The following CASTOR1 variants were observed in gnomAD, a reference collection of about 807,000 sequenced individuals.
CASTOR1 encodes the protein GATS protein like 3.
Under a neutral mutation model 33.7 loss-of-function variants are expected in CASTOR1, and 18 were observed. The observed-to-expected ratio is 0.53, with a 90% CI of 0.37 to 0.79. The LOEUF (loss-of-function observed/expected upper bound fraction) is 0.79, where lower values mean the gene tolerates loss of function less well. Ranked by LOEUF, CASTOR1 falls within the 30% of genes least tolerant of loss-of-function variation. CASTOR1 has a pLI of 0.00. For missense variants in CASTOR1, 362 were observed against 446.3 expected (o/e 0.81, Z 1.70); for synonymous variants, 175 against 190.6 (o/e 0.92, Z 0.67).
intron 1 of CASTOR1, 106 bp from the exon 2 acceptor site, chr22:30,288,882 G>C (rs1485528003): frequency 2.4e-6 from 2 of 845,992 alleles, no homozygotes; most frequent in African/African-American, 3.5e-5. Context: ...TGGGCCGGGC[G>C]CCTTCTTGCC....
Position 30,287,427 on chromosome 22 carries a change from G to A in CASTOR1, c.318C>T (p.Ala106=), listed in dbSNP as rs760272584. The A allele has an allele frequency of 8.1e-6, 13 of 1,613,322 alleles. No individual in the cohort carries two copies. In the East Asian group the frequency reaches 1.1e-4, roughly 14 times the overall value. Residue 106 remains alanine (A), a synonymous_variant, in exon 3 of 9, where the codon GCC becomes GCT. Coordinates refer to ENST00000407689, the MANE Select transcript of CASTOR1 (RefSeq NM_001037666.3). ...GCATCAGCACAGACACGTGGTGCTCGGCCAGTGGCGCGATGACCGAACGGG... is the reference window on the plus strand; with the variant it reads ...GCATCAGCACAGACACGTGGTGCTCAGCCAGTGGCGCGATGACCGAACGGG... ...KIARSVIAPL[A]EHHVSVLMLS... is the part of the protein sequence containing the mutation.
At chr22:30,287,896 C>T (rs982705358) in intron 2 of CASTOR1, 5 of 542,962 alleles carry the variant, frequency 9.2e-6, no homozygotes, top group Admixed American at 2.2e-5. Flanking sequence ...TACCTCACTA[C>T]GGTGTCTTCT....
chr22:30,285,722 G>T, intron 8 of CASTOR1, 34 bp from the exon 9 acceptor site: 1 of 1,543,192 alleles, frequency 6.5e-7, no homozygotes, highest in Non-Finnish European at 8.8e-7. Flanking sequence ...AAGGGTCAAG[G>T]CGGAAGCTGG....
Position 30,285,827 on chromosome 22 carries a change from C to CTCCCCCTGCCCCAGCCCTTGGTGT in CASTOR1, c.921+4_921+5insACACCAAGGGCTGGGGCAGGGGGA. The CTCCCCCTGCCCCAGCCCTTGGTGT allele has an allele frequency of 6.2e-7, 1 of 1,604,102 alleles. No homozygotes were observed. The highest frequency in any genetic ancestry group is 1.1e-5 in the South Asian group (1 of 89,562). ...CTCCCCTCTGCCCCAGCCCTTGGTG[C>CTCCCCCTGCCCCAGCCCTTGGTGT]TCACCAGGGCGTGGTCGAAGTTGAA... On this transcript the variant is annotated splice_donor_region_variant and intron_variant, in intron 8 of 8. Transcript: ENST00000407689.
At position 30,286,114 on chromosome 22, in the gene CASTOR1, G is replaced by C. The variant is rs2145751359; in HGVS notation, c.744-16C>G. 6.4e-7 allele frequency: 1 copy of C among 1,551,716 alleles called. No individual in the cohort carries two copies. The highest frequency in any genetic ancestry group is 1.8e-4 in the Middle Eastern group (1 of 5,470). ...ACTGGGGAACCTGGGGAGGGAGATG[G>C]GTGATGGGCAGGGCACCCCCATCCA... On this transcript the variant is annotated splice_polypyrimidine_tract_variant and intron_variant, in intron 6 of 8. Coordinates refer to ENST00000407689, the MANE Select transcript of CASTOR1 (RefSeq NM_001037666.3).
rs1345135387 is a variant in CASTOR1 at position 30,285,506 on chromosome 22, G to A, written c.*114C>T. ...AGCTTACATACAGAGAGCGGAACGAGGGTCCCCAGCAGAACAGGGGGCTCG... is the reference window on the plus strand; with the variant it reads ...AGCTTACATACAGAGAGCGGAACGAAGGTCCCCAGCAGAACAGGGGGCTCG... On this transcript the variant is annotated 3_prime_UTR_variant, in exon 9 of 9. Coordinates refer to ENST00000407689, the MANE Select transcript of CASTOR1 (RefSeq NM_001037666.3). 25 of 833,302 alleles carry A rather than the reference G, an allele frequency of 3.0e-5. No homozygotes were observed. In the South Asian group the frequency reaches 4.0e-4, roughly 13 times the overall value. The allele number at this position is 833,302 out of a possible 1,614,324, so 51.6% of individuals were successfully genotyped here.
In CASTOR1 at chr22:30,285,494, A is replaced by C; in HGVS notation, c.*126T>G. 2 of 735,958 alleles carry C rather than the reference A, an allele frequency of 2.7e-6. No individual in the cohort carries two copies. Among genetic ancestry groups the C allele is most frequent in the Non-Finnish European group, 4.5e-6 (2 of 442,648 alleles). The allele number at this position is 735,958 out of a possible 1,614,324, so 45.6% of individuals were successfully genotyped here. A position where few individuals can be genotyped will look rare whatever the true frequency, so the allele number is the denominator to read the frequency against. ...GTGCCTGCACGCAGCTTACATACAGAGAGCGGAACGAGGGTCCCCAGCAGA... is the reference window on the plus strand; with the variant it reads ...GTGCCTGCACGCAGCTTACATACAGCGAGCGGAACGAGGGTCCCCAGCAGA... On this transcript the variant is annotated 3_prime_UTR_variant, in exon 9 of 9. Coordinates refer to ENST00000407689, the MANE Select transcript of CASTOR1 (RefSeq NM_001037666.3).
intron 1 of CASTOR1, 48 bp downstream of exon 1, chr22:30,289,337 G>A (rs949459160): frequency 3.7e-6 from 5 of 1,334,022 alleles, no homozygotes; most frequent in Admixed American, 1.9e-5. Flanking sequence ...CCCGGAGCGA[G>A]AGCAGAGCCC....
chr22:30,289,254 G>T (rs1929870706), intron 1 of CASTOR1, 131 bp downstream of exon 1: 1 of 714,932 alleles, frequency 1.4e-6, no homozygotes, highest in Admixed American at 2.5e-5. Context: ...CGGCCGGACG[G>T]GGAGAGTCCT....
rs551612280 is a variant in CASTOR1 at position 30,287,866 on chromosome 22, T to TA, written c.185-307dup. 5.0e-4 allele frequency: 301 copies of TA among 607,000 alleles called. 2 individuals carry two copies. The highest frequency in any genetic ancestry group is 4.8e-3 in the African/African-American group (267 of 55,154). The allele number at this position is 607,000 out of a possible 1,614,324, so 37.6% of individuals were successfully genotyped here. Reference sequence around the variant, plus strand: ...ATTTGAGTCTCAGTTTCCTCATCTGTAAAATGGGACGACAATATCTACCTC... The same window carrying TA: ...ATTTGAGTCTCAGTTTCCTCATCTGTAAAAATGGGACGACAATATCTACCTC... On this transcript the variant is annotated intron_variant, in intron 2 of 8. Transcript: ENST00000407689.
Position 30,287,467 on chromosome 22 carries a change from C to T in CASTOR1, c.278G>A (p.Gly93Glu). Residue 93 changes from glycine to glutamate, a missense_variant, in exon 3 of 9, where the codon GGG becomes GAG. By Grantham distance (98) the Gly-to-Glu change is moderately conservative (BLOSUM62 -2). Transcript: ENST00000407689. ...GACCGAACGGGCGATCTTGGTGACCCCAGCAGCCTGCACTGCCGCACCGCT... is the reference window on the plus strand; with the variant it reads ...GACCGAACGGGCGATCTTGGTGACCTCAGCAGCCTGCACTGCCGCACCGCT... Reference protein sequence around the residue: ...SHSGAAVQAAGVTKIARSVIA... With the variant: ...SHSGAAVQAAEVTKIARSVIA... 6.2e-7 allele frequency: 1 copy of T among 1,613,374 alleles called. No homozygotes were observed. Among genetic ancestry groups the T allele is most frequent in the South Asian group, 1.1e-5 (1 of 91,088 alleles).
At chr22:30,289,355 CT>C in intron 1 of CASTOR1, 29 bp downstream of exon 1, 1 of 1,477,874 alleles carries the variant, frequency 6.8e-7, no homozygotes, top group Non-Finnish European at 9.4e-7. Context: ...CCCCCAGCCC[CT>C]ATCTGCGCTC....
At position 30,285,661 on chromosome 22, in the gene CASTOR1, T is replaced by C. The variant is rs1419069530; in HGVS notation, c.949A>G (p.Ile317Val). The C allele has an allele frequency of 6.4e-6, 10 of 1,572,344 alleles. No homozygotes were observed. The highest frequency in any genetic ancestry group is 1.8e-5 in the Admixed American group (1 of 54,592). The change falls in exon 9 of 9, where the codon ATC becomes GTC. Residue 317 changes from isoleucine (I) to valine (V), a missense_variant. Coordinates refer to ENST00000407689, the MANE Select transcript of CASTOR1 (RefSeq NM_001037666.3). The part of the protein sequence containing the change: ...LVPEDGIGSV[I>V]EVLQRRQEGL... ...TCCTGCCGCCGCTGGAGGACCTCGA[T>C]GACGCTGCCGATACCGTCCTCGGGC...
chr22:30,287,532 T>C lies in CASTOR1; in HGVS notation c.213A>G (p.Val71=). The C allele has an allele frequency of 1.2e-6, 2 of 1,613,112 alleles. No individual in the cohort carries two copies. The highest frequency in any genetic ancestry group is 1.7e-6 in the Non-Finnish European group (2 of 1,179,890). ...TCAGCACCAGCCATGTGGCCTCAGC[T>C]ACTTGCAGGAACTCAGATGGGGGCA... ...KELPPSEFLQ[V]AEATWLVLNV... The change falls in exon 3 of 9, where the codon GTA becomes GTG. Residue 71 remains valine (V), a synonymous_variant. Coordinates refer to ENST00000407689, the MANE Select transcript of CASTOR1 (RefSeq NM_001037666.3).
In CASTOR1 at chr22:30,287,223, T is replaced by C; in HGVS notation, c.437A>G (p.Glu146Gly). ...TLAQEFDIYR[E>G]VGGEPVPVTR... ...CACAGGCACAGGCTCTCCGCCCACC[T>C]CGCGGTAAATGTCGAACTCCTGGGC... Residue 146 changes from glutamate to glycine, a missense_variant, in exon 4 of 9, where the codon GAG (glutamate) becomes GGG (glycine). By Grantham distance (98) the Glu-to-Gly change is moderately conservative. Coordinates refer to ENST00000407689, the MANE Select transcript of CASTOR1 (RefSeq NM_001037666.3). 1.3e-6 allele frequency: 2 copies of C among 1,598,534 alleles called. No individual in the cohort carries two copies. The highest frequency in any genetic ancestry group is 1.1e-5 in the South Asian group (1 of 89,246).
In CASTOR1 at chr22:30,287,520, T is replaced by C. The variant is rs766503111; in HGVS notation, c.225A>G (p.Thr75=). 13 of 1,613,220 alleles carry C rather than the reference T, an allele frequency of 8.1e-6. No individual in the cohort carries two copies. In the Admixed American group the frequency reaches 1.0e-4, roughly 12 times the overall value. ...PSEFLQVAEA[T]WLVLNVSSHS... is the part of the protein sequence containing the mutation. ...GAGACGACACGTTCAGCACCAGCCA[T>C]GTGGCCTCAGCTACTTGCAGGAACT... Residue 75 remains threonine, a synonymous_variant, in exon 3 of 9, where the codon ACA becomes ACG. Transcript: ENST00000407689.
intron 2 of CASTOR1, among the ~76,000 whole-genome samples, chr22:30,288,334 G>A (rs1026324177): frequency 3.3e-5 from 5 of 151,896 alleles, no homozygotes; most frequent in African/African-American, 1.2e-4. Flanking sequence ...AAACCAGAGA[G>A]TAAGACCAGG....
At chr22:30,286,627 G>A (rs532346853) in intron 5 of CASTOR1, 198 bp downstream of exon 5, 89 of 743,138 alleles carry the variant, frequency 1.2e-4, no homozygotes, top group Non-Finnish European at 1.8e-4. Context: ...TGGCTCAGAC[G>A]ACCCCACTGG....
In CASTOR1 at chr22:30,286,371, G is replaced by C. The variant is rs765279131; in HGVS notation, c.635C>G (p.Pro212Arg). ...AGGACTGCTAGAGGCTGCCTCCTTG[G>C]GGGTGCTGGGGAGGGATGGGAGGTT... The part of the protein sequence containing the change: ...IDVLFYSHST[P>R]KEAASSSPEP... The change falls in exon 6 of 9, where the codon CCC (proline) becomes CGC (arginine). Residue 212 changes from proline (P) to arginine (R), a missense_variant. Coordinates refer to ENST00000407689, the MANE Select transcript of CASTOR1 (RefSeq NM_001037666.3). 1.2e-6 allele frequency: 2 copies of C among 1,611,560 alleles called. No individual in the cohort carries two copies. The highest frequency in any genetic ancestry group is 1.1e-5 in the South Asian group (1 of 91,038).
Sources: allele counts gnomAD v4.1 joint callset (sites outside exome capture counted in the v4.1 genomes callset), GRCh38; gene constraint gnomAD v4.1.1; transcripts MANE v1.5; gene names NCBI Gene and HGNC (gene_info 2026-07-23, HGNC 2026-07-21).